The following SCFD2 variants were observed in gnomAD, a reference collection of about 807,000 sequenced individuals.
The protein encoded by SCFD2 is sec1 family domain-containing protein 2.
SCFD2 carries 54 observed loss-of-function variants against 58.9 expected under a neutral mutation model. The observed-to-expected ratio is 0.92, with a 90% CI of 0.74 to 1.15. SCFD2 has a LOEUF of 1.15. Among genes scored for constraint, SCFD2 ranks in the 50% most tolerant of loss-of-function variants. The pLI is 0.00. For synonymous variants in SCFD2, 321 were observed against 335.9 expected (o/e 0.96, Z 0.49); for missense variants, 805 against 836.6 (o/e 0.96, Z 0.47).
intron 5 of SCFD2, among the ~76,000 whole-genome samples, chr4:53,036,857 C>T (rs1331578251): frequency 1.3e-5 from 2 of 152,080 alleles, no homozygotes; most frequent in Non-Finnish European, 2.9e-5. Context: ...ATTAAAAAAT[C>T]TACATCTACA....
At chr4:53,339,349 T>C (rs1449026881) in intron 2 of SCFD2, among the ~76,000 whole-genome samples, 6 of 150,460 alleles carry the variant, frequency 4.0e-5, no homozygotes, top group Non-Finnish European at 7.4e-5. Flanking sequence ...ATATTATATG[T>C]AAATGTATAT....
intron 5 of SCFD2, among the ~76,000 whole-genome samples, chr4:53,011,287 C>CTT (rs1467135846): frequency 1.3e-5 from 2 of 152,234 alleles, no homozygotes; most frequent in African/African-American, 2.4e-5. Flanking sequence ...ATTCAGGTTC[C>CTT]TTTAATAATA....
intron 6 of SCFD2, among the ~76,000 whole-genome samples, chr4:52,913,224 C>T (rs1222498575): frequency 1.3e-5 from 2 of 152,148 alleles, no homozygotes; most frequent in Non-Finnish European, 2.9e-5. Flanking sequence ...CCATGGACCG[C>T]TACTGGTTCG....
At chr4:52,979,375 C>T (rs565227734) in intron 5 of SCFD2, among the ~76,000 whole-genome samples, 3 of 152,184 alleles carry the variant, frequency 2.0e-5, no homozygotes, top group African/African-American at 7.2e-5. Context: ...TAAAAGTTCA[C>T]ACTTACATGC....
chr4:53,188,174 T>G (rs1727789766), intron 4 of SCFD2, among the ~76,000 whole-genome samples: 2 of 152,190 alleles, frequency 1.3e-5, no homozygotes, highest in African/African-American at 4.8e-5. Flanking sequence ...CTTAATCTCA[T>G]GCTTACTCAG....
chr4:53,010,080 C>G (rs1347686997), intron 5 of SCFD2, among the ~76,000 whole-genome samples: 1 of 152,180 alleles, frequency 6.6e-6, no homozygotes, highest in Non-Finnish European at 1.5e-5. Flanking sequence ...ACCTCATATC[C>G]TCCACAGCAT....
intron 2 of SCFD2, 78 bp downstream of exon 2, chr4:53,352,520 C>T: frequency 1.7e-6 from 2 of 1,165,624 alleles, no homozygotes; most frequent in Admixed American, 2.5e-5. Flanking sequence ...TGCTTTTTTC[C>T]TATGGGAATA....
chr4:53,094,470 T>C (rs1162593139), intron 5 of SCFD2, among the ~76,000 whole-genome samples: 4 of 152,056 alleles, frequency 2.6e-5, no homozygotes, highest in Admixed American at 6.6e-5. Context: ...ACCAATCTCA[T>C]TGGATTATCG....
chr4:53,351,750 C>T (rs982052610), intron 2 of SCFD2, among the ~76,000 whole-genome samples: 2 of 152,170 alleles, frequency 1.3e-5, no homozygotes, highest in African/African-American at 4.8e-5. Flanking sequence ...GACCCACAAA[C>T]ATTGGGTATC....
intron 4 of SCFD2, among the ~76,000 whole-genome samples, chr4:53,204,568 T>TA (rs1728351244): frequency 1.3e-5 from 2 of 150,774 alleles, no homozygotes; most frequent in South Asian, 2.1e-4. Context: ...GGAAAAAGGT[T>TA]AAAAAACTTT....
intron 1 of SCFD2, among the ~76,000 whole-genome samples, chr4:53,362,185 G>A (rs1734565083): frequency 6.6e-6 from 1 of 152,096 alleles, no homozygotes; most frequent in Admixed American, 6.6e-5. Context: ...ATGATGTGAG[G>A]GAGAAAGCCA....
At chr4:52,905,968 AC>A (rs1242866727) in intron 7 of SCFD2, among the ~76,000 whole-genome samples, 2 of 152,236 alleles carry the variant, frequency 1.3e-5, no homozygotes, top group African/African-American at 2.4e-5. Flanking sequence ...TATTAAAGGC[AC>A]TGTGATGTTG....
At chr4:53,090,980 C>T (rs941147236) in intron 5 of SCFD2, among the ~76,000 whole-genome samples, 4 of 152,178 alleles carry the variant, frequency 2.6e-5, no homozygotes, top group African/African-American at 9.6e-5. Context: ...ATCTTCACCA[C>T]TGCACAACTC....
chr4:53,273,630 C>T (rs1424438191), intron 4 of SCFD2, 196 bp downstream of exon 4: 2 of 478,034 alleles, frequency 4.2e-6, no homozygotes, highest in South Asian at 4.0e-5. Flanking sequence ...AAAGATGTTA[C>T]TGTCAAAATT....
At chr4:53,007,908 C>T (rs892518906) in intron 5 of SCFD2, among the ~76,000 whole-genome samples, 1 of 152,164 alleles carries the variant, frequency 6.6e-6, no homozygotes, top group African/African-American at 2.4e-5. Flanking sequence ...AGAAGAGCTT[C>T]ATGCTGAACA....
intron 5 of SCFD2, among the ~76,000 whole-genome samples, chr4:53,071,574 T>A (rs1723815102): frequency 1.3e-5 from 2 of 152,108 alleles, no homozygotes; most frequent in African/African-American, 2.4e-5. Flanking sequence ...CATCTGTTTA[T>A]TAAGAAACAA....
At chr4:52,879,173 C>T (rs1192959460) in intron 8 of SCFD2, among the ~76,000 whole-genome samples, 1 of 152,142 alleles carries the variant, frequency 6.6e-6, no homozygotes, top group Non-Finnish European at 1.5e-5. Context: ...CCTTCTCAAG[C>T]CAGAGGCATC....
At chr4:52,923,562 C>T (rs906717352) in intron 5 of SCFD2, among the ~76,000 whole-genome samples, 13 of 152,002 alleles carry the variant, frequency 8.6e-5, no homozygotes, top group African/African-American at 3.1e-4. Context: ...CAACAGTGGA[C>T]CCTACACACA....
intron 5 of SCFD2, among the ~76,000 whole-genome samples, chr4:53,081,746 G>A (rs953929394): frequency 1.3e-5 from 2 of 151,982 alleles, no homozygotes; most frequent in Non-Finnish European, 2.9e-5. Flanking sequence ...TGACAAGATT[G>A]TACAAGTGTC....
Sources: allele counts gnomAD v4.1 joint callset (sites outside exome capture counted in the v4.1 genomes callset), GRCh38; gene constraint gnomAD v4.1.1; transcripts MANE v1.5; gene names NCBI Gene and HGNC (gene_info 2026-07-23, HGNC 2026-07-21).